Variants in RPE observed in about 807,000 individuals in gnomAD.
RPE encodes the protein ribulose-5-phosphate-3-epimerase.
In RPE, 16 loss-of-function variants were observed where a neutral mutation model predicts 24.6. The ratio of observed to expected loss-of-function variants is 0.65; its 90% CI spans 0.44 to 0.99. The LOEUF is 0.99. Among genes scored for constraint, RPE ranks in the 50% least tolerant of loss-of-function variants. The pLI, the probability that RPE is intolerant of heterozygous loss-of-function variation, is 0.00. For missense variants in RPE, 240 were observed against 294.5 expected (o/e 0.81, Z 1.35); for synonymous variants, 93 against 98.4 (o/e 0.94, Z 0.33).
At position 210,016,570 on chromosome 2, in the gene RPE, G is replaced by A. The variant is rs760722377; in HGVS notation, c.406G>A (p.Asp136Asn). 1 of 1,614,134 alleles carries A rather than the reference G, an allele frequency of 6.2e-7. No individual in the cohort carries two copies. The highest frequency in any genetic ancestry group is 1.3e-5 in the African/African-American group (1 of 74,944). ...TTTGGCACCATGGGCTAATCAGATA[G>A]ATATGGCCTTGGTTATGACAGTGGA... ...EYLAPWANQI[D>N]MALVMTVEPG... Residue 136 changes from aspartate (D) to asparagine (N), a missense_variant, in exon 4 of 6, where the codon GAT (aspartate) becomes AAT (asparagine). Physicochemically the swap from Asp to Asn is conservative, Grantham distance 23. Coordinates refer to ENST00000359429, the MANE Select transcript of RPE (RefSeq NM_199229.3).
At chr2:210,010,823 C>G (rs149996685) in intron 2 of RPE, among the ~76,000 whole-genome samples, 1 of 152,036 alleles carries the variant, frequency 6.6e-6, no homozygotes, top group Admixed American at 6.5e-5. Flanking sequence ...GAGGCTGAGG[C>G]ATGAGAATCA....
At chr2:210,018,470 C>A (rs934138253) in intron 5 of RPE, 2 of 984,584 alleles carry the variant, frequency 2.0e-6, no homozygotes, top group African/African-American at 3.5e-5. Context: ...GGTAGCACTG[C>A]AAGTGATTAA....
rs2093577351 is a variant in RPE, at chr2:210,002,757, T to C, written c.96T>C (p.Asp32=). 1.2e-6 allele frequency: 2 copies of C among 1,614,140 alleles called. No homozygotes were observed. Among genetic ancestry groups the C allele is most frequent in the South Asian group, 1.1e-5 (1 of 91,066 alleles). The change falls in exon 1 of 6, where the codon GAT becomes GAC. Residue 32 remains aspartate, a synonymous_variant. Transcript: ENST00000359429. The part of the protein sequence containing the change: ...ECLRMLDSGA[D]YLHLDVMDGH... ...TCCGGATGCTAGACTCTGGGGCCGA[T>C]TATCTGCACCTGGACGTAATGGACG...
intron 3 of RPE, 195 bp from the exon 4 acceptor site, chr2:210,016,312 C>T: frequency 6.3e-7 from 1 of 1,596,494 alleles, no homozygotes; most frequent in Non-Finnish European, 8.5e-7. Flanking sequence ...CAGGATTTAA[C>T]TTCTTTGTCA....
At chr2:210,019,526 CTTAAGTCTGCT>C in intron 5 of RPE, 132 bp from the exon 6 acceptor site, 1 of 938,078 alleles carries the variant, frequency 1.1e-6, no homozygotes, top group Non-Finnish European at 1.5e-6. Context: ...AACTAGATTG[CTTAAGTCTGCT>C]TAATCTCAAA....
At chr2:210,006,451 C>G (rs183207492) in intron 1 of RPE, among the ~76,000 whole-genome samples, 4 of 152,058 alleles carry the variant, frequency 2.6e-5, no homozygotes, top group Non-Finnish European at 5.9e-5. Context: ...CAATATACTT[C>G]GTGAACCTAG....
chr2:210,014,515 G>A, intron 2 of RPE, among the ~76,000 whole-genome samples: 1 of 151,760 alleles, frequency 6.6e-6, no homozygotes, highest in East Asian at 1.9e-4. Flanking sequence ...AATTTAGGCC[G>A]GGTGTGGTGG....
At position 210,020,351 on chromosome 2, in the gene RPE, A is replaced by G. The variant is rs183492460; in HGVS notation, c.*560A>G. 6.0e-6 allele frequency: 1 copy of G among 167,086 alleles called. No homozygotes were observed. Among genetic ancestry groups the G allele is most frequent in the African/African-American group, 2.4e-5 (1 of 41,598 alleles). 10.4% of individuals were successfully genotyped at this position (167,086 alleles called of 1,614,324 possible). On this transcript the variant is annotated 3_prime_UTR_variant, in exon 6 of 6. Coordinates refer to ENST00000359429, the MANE Select transcript of RPE (RefSeq NM_199229.3). ...ATGTGTGAAACCCAGGGGTTCTAAA[A>G]TACAAGCATAGATTTTATCAGGGTG...
At chr2:210,005,221 C>G (rs941238669) in intron 1 of RPE, among the ~76,000 whole-genome samples, 1 of 152,128 alleles carries the variant, frequency 6.6e-6, no homozygotes, top group Admixed American at 6.5e-5. Flanking sequence ...CCACAATGTC[C>G]CTTCCCTCCC....
chr2:210,016,038 C>T lies in RPE; in HGVS notation c.268C>T (p.Gln90Ter). 3 of 1,614,214 alleles carry T rather than the reference C, an allele frequency of 1.9e-6. No homozygotes were observed. The highest frequency in any genetic ancestry group is 2.5e-6 in the Non-Finnish European group (3 of 1,180,036). ...VKPMAVAGAN[Q>*]YTFHLEATEN... is the part of the protein sequence containing the mutation. ...GCCAATGGCTGTAGCAGGAGCCAAT[C>T]AGTACACCTTTCATCTCGAGGCTAC... is the stretch of plus-strand genomic sequence containing the variant. Residue 90 changes from glutamine to a stop codon, truncating the protein, a stop_gained, in exon 3 of 6, where the codon CAG (glutamine) becomes TAG (stop). Coordinates refer to ENST00000359429, the MANE Select transcript of RPE (RefSeq NM_199229.3). LOFTEE classifies it high-confidence loss of function.
At chr2:210,010,002 C>A (rs189661441) in intron 2 of RPE, among the ~76,000 whole-genome samples, 25 of 152,280 alleles carry the variant, frequency 1.6e-4, no homozygotes, top group Non-Finnish European at 3.4e-4. Flanking sequence ...CCTTTTTGAG[C>A]GTCCTCTCCC....
chr2:210,011,783 C>T (rs567763032), intron 2 of RPE, among the ~76,000 whole-genome samples: 28 of 151,880 alleles, frequency 1.8e-4, no homozygotes, highest in South Asian at 4.2e-4. Context: ...GCAATCCTCC[C>T]GCCACAGCTA....
At chr2:210,018,007 A>G in intron 5 of RPE, 2 of 815,932 alleles carry the variant, frequency 2.5e-6, no homozygotes, top group Admixed American at 5.9e-5. Context: ...GGCCTCCCAA[A>G]GTGTTGGGAT....
chr2:210,019,909 A>G lies in RPE; in HGVS notation c.*118A>G, dbSNP rs2093835940. On this transcript the variant is annotated 3_prime_UTR_variant, in exon 6 of 6. Transcript: ENST00000359429. ...GTACTGCTTTTTTGAGCAGTTATTC[A>G]TTCCAGTGATTAAAACTGATTGTGC... The G allele has an allele frequency of 2.0e-5, 27 of 1,319,120 alleles. 1 individual carries two copies. The South Asian group carries it at 4.0e-4, about 20-fold the overall frequency. 81.7% of individuals were successfully genotyped at this position (1,319,120 alleles called of 1,614,324 possible).
At position 210,019,746 on chromosome 2, in the gene RPE, A is replaced by T; in HGVS notation, c.642A>T (p.Arg214Ser). Reference protein sequence around the residue: ...EDPRSVINLLRNVCSEAAQKR... With the variant: ...EDPRSVINLLSNVCSEAAQKR... ...CCAGATCTGTGATCAATCTATTAAGAAATGTTTGCTCAGAAGCTGCTCAGA... is the reference window on the plus strand; with the variant it reads ...CCAGATCTGTGATCAATCTATTAAGTAATGTTTGCTCAGAAGCTGCTCAGA... Residue 214 changes from arginine (R) to serine (S), a missense_variant, in exon 6 of 6, where the codon AGA becomes AGT. Arg to Ser is a moderately radical substitution (Grantham distance 110). Coordinates refer to ENST00000359429, the MANE Select transcript of RPE (RefSeq NM_199229.3). 6.2e-7 allele frequency: 1 copy of T among 1,613,400 alleles called. No individual in the cohort carries two copies. The highest frequency in any genetic ancestry group is 8.5e-7 in the Non-Finnish European group (1 of 1,179,504).
At chr2:210,012,810 A>G (rs1197308050) in intron 2 of RPE, among the ~76,000 whole-genome samples, 4 of 152,246 alleles carry the variant, frequency 2.6e-5, no homozygotes, top group African/African-American at 7.2e-5. Flanking sequence ...TAGCGTCCCA[A>G]CAGTTAACAA....
chr2:210,021,990 G>C lies in RPE; in HGVS notation c.*2199G>C, dbSNP rs759340049. 1.1e-4 allele frequency: 17 copies of C among 149,070 alleles called. No individual in the cohort carries two copies. The highest frequency in any genetic ancestry group is 2.0e-4 in the African/African-American group (8 of 40,186). The allele number at this position is 149,070 out of a possible 1,614,324, so 9.2% of individuals were successfully genotyped here. A position where few individuals can be genotyped will look rare whatever the true frequency, so the allele number is the denominator to read the frequency against. On this transcript the variant is annotated 3_prime_UTR_variant, in exon 6 of 6. Coordinates refer to ENST00000359429, the MANE Select transcript of RPE (RefSeq NM_199229.3). Reference sequence around the variant, plus strand: ...AATTAACTAATTTCTTGCTAATCTAGAAATACAATCATCTTTTTTTTTTTT... The same window carrying C: ...AATTAACTAATTTCTTGCTAATCTACAAATACAATCATCTTTTTTTTTTTT...
chr2:210,012,646 G>A (rs938143330), intron 2 of RPE, among the ~76,000 whole-genome samples: 12 of 152,186 alleles, frequency 7.9e-5, no homozygotes, highest in Non-Finnish European at 8.8e-5. Flanking sequence ...ACAACTGACA[G>A]ATCAACTATG....
rs1559484657 is a variant in RPE at position 210,019,749 on chromosome 2, T to C, written c.645T>C (p.Asn215=). 6.2e-7 allele frequency: 1 copy of C among 1,613,286 alleles called. No individual in the cohort carries two copies. The change falls in exon 6 of 6, where the codon AAT becomes AAC. Residue 215 remains asparagine (N), a synonymous_variant. Coordinates refer to ENST00000359429, the MANE Select transcript of RPE (RefSeq NM_199229.3). ...DPRSVINLLR[N]VCSEAAQKRS... is the part of the protein sequence containing the mutation. Reference sequence around the variant, plus strand: ...GATCTGTGATCAATCTATTAAGAAATGTTTGCTCAGAAGCTGCTCAGAAAC... The same window carrying C: ...GATCTGTGATCAATCTATTAAGAAACGTTTGCTCAGAAGCTGCTCAGAAAC...
Sources: gnomAD v4.1 joint callset for allele counts (sites outside exome capture counted in the v4.1 genomes callset) on GRCh38, gnomAD v4.1.1 for gene constraint, MANE v1.5 for transcripts, NCBI Gene and HGNC (gene_info 2026-07-23, HGNC 2026-07-21) for gene names.